TMEM176B: variants seen among roughly 807,000 people sequenced by gnomAD.
The protein encoded by TMEM176B is transmembrane protein 176B, also known as LR8-like protein.
A neutral mutation model predicts 30.3 loss-of-function variants in TMEM176B; 28 were observed. The observed-to-expected ratio is 0.92, with a 90% CI of 0.68 to 1.27. The LOEUF (loss-of-function observed/expected upper bound fraction) is 1.27. TMEM176B is among the 50% of genes most tolerant of loss of function. The pLI, the probability that TMEM176B is intolerant of heterozygous loss-of-function variation, is 0.00. For missense variants in TMEM176B, 349 were observed against 327.4 expected, an observed-to-expected ratio of 1.07 and a Z score of -0.51; for synonymous variants, 123 against 130.3, an observed-to-expected ratio of 0.94 and a Z score of 0.38.
chr7:150,792,542 T>C (rs78875556), intron 5 of TMEM176B, among the ~76,000 whole-genome samples: 3,917 of 152,284 alleles, frequency 0.026, 137 homozygotes, highest in African/African-American at 0.078. Flanking sequence ...CCAGTTTCTG[T>C]GCTATGAGAA....
In TMEM176B at chr7:150,793,610, G is replaced by A. The variant is rs775792614; in HGVS notation, c.316-10C>T. ...CTCCTGCTGCGATCACCTGAAAAGAGACACCAGAAAAAGGCCTCCAGTTTA... is the reference window on the plus strand; with the variant it reads ...CTCCTGCTGCGATCACCTGAAAAGAAACACCAGAAAAAGGCCTCCAGTTTA... On this transcript the variant is annotated splice_polypyrimidine_tract_variant and intron_variant, in intron 3 of 6. Transcript: ENST00000326442. The A allele has an allele frequency of 6.2e-7, 1 of 1,612,904 alleles. No individual in the cohort carries two copies. The highest frequency in any genetic ancestry group is 1.7e-5 in the Admixed American group (1 of 59,878).
At position 150,791,714 on chromosome 7, in the gene TMEM176B, G is replaced by T. The variant is rs115801921; in HGVS notation, c.721-91C>A. On this transcript the variant is annotated intron_variant, in intron 6 of 6. Coordinates refer to ENST00000326442, the MANE Select transcript of TMEM176B (RefSeq NM_001101312.2). ...CTCAGAAAGCAGAAAGAGGAAAGGA[G>T]GAGGGAAAGGAAAAGGTGACAGGAA... The T allele has an allele frequency of 5.3e-4, 637 of 1,196,412 alleles. 3 individuals carry two copies. The African/African-American group carries it at 8.4e-3, about 16-fold the overall frequency. 74.1% of individuals were successfully genotyped at this position (1,196,412 alleles called of 1,614,324 possible). A position where few individuals can be genotyped will look rare whatever the true frequency, so the allele number is the denominator to read the frequency against.
intron 2 of TMEM176B, among the ~76,000 whole-genome samples, chr7:150,795,059 C>T (rs1798474962): frequency 6.6e-6 from 1 of 152,176 alleles, no homozygotes; most frequent in African/African-American, 2.4e-5. Flanking sequence ...CCCCAAACCC[C>T]TTCACTCCCA....
chr7:150,791,914 G>A (rs1230515669), intron 6 of TMEM176B, 142 bp downstream of exon 6: 6 of 1,272,564 alleles, frequency 4.7e-6, no homozygotes, highest in Non-Finnish European at 6.5e-6. Context: ...AGACAGCAAA[G>A]GGGAGAGCTG....
chr7:150,795,977 G>A (rs946717342), intron 2 of TMEM176B, among the ~76,000 whole-genome samples: 3 of 152,138 alleles, frequency 2.0e-5, no homozygotes, highest in African/African-American at 4.8e-5. Context: ...GGCACAAAAT[G>A]TTGCTCCCAA....
chr7:150,793,020 A>G, intron 5 of TMEM176B, 68 bp downstream of exon 5: 1 of 1,511,310 alleles, frequency 6.6e-7, no homozygotes, highest in Non-Finnish European at 9.2e-7. Context: ...TCTGTCCTCC[A>G]GGGCCCCCAG....
rs374268150 is a variant in TMEM176B at position 150,792,223 on chromosome 7, T to C, written c.601-48A>G. The stretch of plus-strand genomic sequence containing the variant: ...GATAGTCAGGTGTCAGCTACTCCAA[T>C]GCTGCCCACATCACCACCCTCTCCA... On this transcript the variant is annotated intron_variant, in intron 5 of 6. Coordinates refer to ENST00000326442, the MANE Select transcript of TMEM176B (RefSeq NM_001101312.2). 90 of 1,604,506 alleles carry C rather than the reference T, an allele frequency of 5.6e-5. No individual in the cohort carries two copies. The African/African-American group carries it at 1.0e-3, about 19-fold the overall frequency.
intron 2 of TMEM176B, among the ~76,000 whole-genome samples, chr7:150,794,935 A>ACACACT (rs1459445239): frequency 6.6e-6 from 1 of 150,818 alleles, no homozygotes; most frequent in Non-Finnish European, 1.5e-5. Context: ...ACACACACAC[A>ACACACT]CACACACACA....
At chr7:150,797,474 T>C (rs749982385) in intron 1 of TMEM176B, among the ~76,000 whole-genome samples, 1 of 152,182 alleles carries the variant, frequency 6.6e-6, no homozygotes, top group Non-Finnish European at 1.5e-5. Context: ...GACAAAGGTT[T>C]TTAAAGGAAA....
chr7:150,800,331 G>A lies in TMEM176B; in HGVS notation c.-39C>T, dbSNP rs1024902268. The A allele has an allele frequency of 6.6e-6, 1 of 152,288 alleles. No homozygotes were observed. The highest frequency in any genetic ancestry group is 2.4e-5 in the African/African-American group (1 of 41,468). 9.4% of individuals were successfully genotyped at this position (152,288 alleles called of 1,614,324 possible). On this transcript the variant is annotated 5_prime_UTR_variant, in exon 1 of 7. Coordinates refer to ENST00000326442, the MANE Select transcript of TMEM176B (RefSeq NM_001101312.2). The stretch of plus-strand genomic sequence containing the variant: ...CTCCGGGAGCCCGCGGCCGAGCAGA[G>A]CGGACACTAGCTGACCCCGAGCAGG...
chr7:150,801,001 C>T (rs1226166285), upstream of TMEM176B: 6 of 985,654 alleles, frequency 6.1e-6, no homozygotes, highest in East Asian at 4.5e-4. Context: ...ACCTCCGCAC[C>T]GCAGCGCGGT....
intron 1 of TMEM176B, 137 bp from the exon 2 acceptor site, chr7:150,796,711 T>A: frequency 3.5e-6 from 3 of 857,194 alleles, no homozygotes; most frequent in Non-Finnish European, 5.4e-6. Flanking sequence ...GTAATCCCAG[T>A]GCTTTGGGAG....
chr7:150,793,109 T>C lies in TMEM176B; in HGVS notation c.579A>G (p.Arg193=). 6.2e-7 allele frequency: 1 copy of C among 1,614,110 alleles called. No homozygotes were observed. The highest frequency in any genetic ancestry group is 1.1e-5 in the South Asian group (1 of 91,068). The change falls in exon 5 of 7, where the codon AGA becomes AGG. Residue 193 remains arginine (R), a synonymous_variant. Coordinates refer to ENST00000326442, the MANE Select transcript of TMEM176B (RefSeq NM_001101312.2). Reference sequence around the variant, plus strand: ...TCACCCTCAGCATCTGCATGTAAGCTCTACACTCCTCCTTCTGCCATTGGT... The same window carrying C: ...TCACCCTCAGCATCTGCATGTAAGCCCTACACTCCTCCTTCTGCCATTGGT... ...QENQWQKEEC[R]AYMQMLRKLF...
chr7:150,798,530 C>A (rs1414146658), intron 1 of TMEM176B, among the ~76,000 whole-genome samples: 1 of 152,180 alleles, frequency 6.6e-6, no homozygotes, highest in Admixed American at 6.5e-5. Context: ...CCGCCTCGGC[C>A]TCCCAAAGTG....
At chr7:150,793,624 G>A in intron 3 of TMEM176B, 24 bp from the exon 4 acceptor site, 2 of 1,611,144 alleles carry the variant, frequency 1.2e-6, no homozygotes, top group South Asian at 1.1e-5. Flanking sequence ...CCAGAAAAAG[G>A]CCTCCAGTTT....
Position 150,793,172 on chromosome 7 carries a change from A to T in TMEM176B, c.516T>A (p.Pro172=). 4 of 1,614,218 alleles carry T rather than the reference A, an allele frequency of 2.5e-6. No homozygotes were observed. The highest frequency in any genetic ancestry group is 3.4e-6 in the Non-Finnish European group (4 of 1,180,034). ...GCCGCATCCATCTGTACCCAGTGGT[A>T]GGGAAGACAGGGTCTGAGCGATCAC... ...TVCDRSDPVF[P]TTGYRWMRRS... The change falls in exon 5 of 7, where the codon CCT becomes CCA. Residue 172 remains proline (P), a synonymous_variant. Transcript: ENST00000326442.
At chr7:150,800,601 G>A (rs1798742486), upstream of TMEM176B, 1 of 152,508 alleles carries the variant, frequency 6.6e-6, no homozygotes, top group African/African-American at 2.4e-5. Flanking sequence ...GGCTTTCCCA[G>A]GGCCGTCCGC....
intron 5 of TMEM176B, among the ~76,000 whole-genome samples, chr7:150,792,684 T>C (rs1033463481): frequency 2.0e-4 from 30 of 152,196 alleles, no homozygotes; most frequent in African/African-American, 7.2e-4. Flanking sequence ...CATCTGACTG[T>C]AACTGCATGA....
Position 150,794,077 on chromosome 7 carries a change from A to G in TMEM176B, c.205-6T>C. 1.9e-6 allele frequency: 3 copies of G among 1,608,746 alleles called. No individual in the cohort carries two copies. The highest frequency in any genetic ancestry group is 2.5e-6 in the Non-Finnish European group (3 of 1,177,016). ...CCCAGCAATATCTGAGTCACCTGCA[A>G]GACAGGATGAGAAACCAGACCCCTT... is the stretch of plus-strand genomic sequence containing the variant. On this transcript the variant is annotated splice_region_variant and splice_polypyrimidine_tract_variant and intron_variant, in intron 2 of 6. Transcript: ENST00000326442.
Sources: gnomAD v4.1 joint callset for allele counts (sites outside exome capture counted in the v4.1 genomes callset) on GRCh38, gnomAD v4.1.1 for gene constraint, MANE v1.5 for transcripts, NCBI Gene and HGNC (gene_info 2026-07-23, HGNC 2026-07-21) for gene names.